Variants in CORO2B observed in about 807,000 individuals in gnomAD.
CORO2B encodes coronin-2B.
In CORO2B, 26 loss-of-function variants were observed where a neutral mutation model predicts 58.8. The observed-to-expected ratio is 0.44, with a 90% CI of 0.32 to 0.61. The LOEUF is 0.61. Among genes scored for constraint, CORO2B ranks in the 20% least tolerant of loss-of-function variants. The pLI is 0.04. For missense variants in CORO2B, 460 were observed against 645.1 expected, an observed-to-expected ratio of 0.71 and a Z score of 3.11; for synonymous variants, 242 against 253.8, an observed-to-expected ratio of 0.95 and a Z score of 0.44.
the CORO2B span, among the ~76,000 whole-genome samples, chr15:68,534,258 A>C: frequency 4.5e-4 from 69 of 152,102 alleles, no homozygotes; most frequent in Admixed American, 2.6e-3. Flanking sequence ...GGATGTGTAC[A>C]CACACCTGCA....
chr15:68,716,635 A>C (rs1893038322), intron 8 of CORO2B, among the ~76,000 whole-genome samples: 1 of 152,222 alleles, frequency 6.6e-6, no homozygotes, highest in South Asian at 2.1e-4. Context: ...ACTGGGGGCT[A>C]CTTCACCCCG....
At chr15:68,567,653 C>A in the CORO2B span, among the ~76,000 whole-genome samples, 2 of 152,178 alleles carry the variant, frequency 1.3e-5, no homozygotes, top group African/African-American at 4.8e-5. Context: ...GTTTTCAACT[C>A]AAAATAATTA....
At chr15:68,706,821 C>G (rs929704563) in intron 3 of CORO2B, among the ~76,000 whole-genome samples, 5 of 152,112 alleles carry the variant, frequency 3.3e-5, no homozygotes, top group African/African-American at 9.7e-5. Context: ...GCGATCTTCC[C>G]CTGCCTTAGC....
chr15:68,638,840 T>G (rs1901117687), intron 1 of CORO2B, among the ~76,000 whole-genome samples: 1 of 152,190 alleles, frequency 6.6e-6, no homozygotes, highest in Non-Finnish European at 1.5e-5. Flanking sequence ...ACAGAGGTGG[T>G]GTCTGGAGAG....
chr15:68,568,464 G>A, the CORO2B span, among the ~76,000 whole-genome samples: 1 of 152,096 alleles, frequency 6.6e-6, no homozygotes, highest in African/African-American at 2.4e-5. Flanking sequence ...GGTAGAGAAG[G>A]GAAACAAAGA....
chr15:68,686,581 G>C (rs1902986145), intron 2 of CORO2B, among the ~76,000 whole-genome samples: 1 of 152,060 alleles, frequency 6.6e-6, no homozygotes, highest in Non-Finnish European at 1.5e-5. Flanking sequence ...TTGTTACAAG[G>C]ATTAAATTTT....
chr15:68,618,852 G>A (rs992659607), intron 1 of CORO2B, among the ~76,000 whole-genome samples: 7 of 152,220 alleles, frequency 4.6e-5, no homozygotes, highest in Non-Finnish European at 8.8e-5. Context: ...AGTTCAAGGG[G>A]ATGTTCGAAT....
At chr15:68,564,034 C>A in the CORO2B span, among the ~76,000 whole-genome samples, 1 of 152,148 alleles carries the variant, frequency 6.6e-6, no homozygotes, top group Admixed American at 6.5e-5. Flanking sequence ...TACCCTGATA[C>A]GAAATCCAAA....
chr15:68,589,523 C>T (rs77042678), intron 1 of CORO2B, among the ~76,000 whole-genome samples: 17 of 152,336 alleles, frequency 1.1e-4, no homozygotes, highest in East Asian at 3.9e-4. Context: ...ACAGTAGAAA[C>T]GCCCATTTTG....
chr15:68,541,044 A>G, the CORO2B span, among the ~76,000 whole-genome samples: 1 of 152,206 alleles, frequency 6.6e-6, no homozygotes, highest in African/African-American at 2.4e-5. Context: ...AGCCTGGGAA[A>G]TATTGTAAAA....
chr15:68,644,654 G>A (rs933947378), intron 1 of CORO2B, among the ~76,000 whole-genome samples: 3 of 152,272 alleles, frequency 2.0e-5, no homozygotes, highest in African/African-American at 7.2e-5. Context: ...AATCCGAGGG[G>A]ATGACAGTGG....
the CORO2B span, among the ~76,000 whole-genome samples, chr15:68,555,307 C>T: frequency 0.01 from 1,571 of 152,344 alleles, 29 homozygotes; most frequent in African/African-American, 0.035. Flanking sequence ...CACGGTTCCC[C>T]TCCCACCAAG....
the CORO2B span, among the ~76,000 whole-genome samples, chr15:68,522,929 CAT>C: frequency 4.6e-5 from 7 of 152,086 alleles, no homozygotes; most frequent in African/African-American, 7.2e-5. Flanking sequence ...TATATTAAAA[CAT>C]GTGGAGACTT....
At chr15:68,529,639 C>A in the CORO2B span, among the ~76,000 whole-genome samples, 10 of 152,128 alleles carry the variant, frequency 6.6e-5, no homozygotes, top group Non-Finnish European at 1.2e-4. Flanking sequence ...AATCTTGTCG[C>A]AAATTTTTCA....
intron 1 of CORO2B, among the ~76,000 whole-genome samples, chr15:68,637,278 A>G: frequency 6.6e-6 from 1 of 152,126 alleles, no homozygotes; most frequent in African/African-American, 2.4e-5. Flanking sequence ...TCCACTGGGA[A>G]TTACTGCCCA....
At chr15:68,533,367 C>G in the CORO2B span, among the ~76,000 whole-genome samples, 1 of 152,308 alleles carries the variant, frequency 6.6e-6, no homozygotes, top group South Asian at 2.1e-4. Flanking sequence ...AAACTTTCAA[C>G]TAGGCTAGAG....
intron 11 of CORO2B, among the ~76,000 whole-genome samples, chr15:68,723,641 A>T (rs1196358048): frequency 6.6e-6 from 1 of 151,780 alleles, no homozygotes; most frequent in Non-Finnish European, 1.5e-5. Context: ...TTTAGTAGAG[A>T]TGGGGTTTCA....
Position 68,645,407 on chromosome 15 carries a change from G to A in CORO2B, c.216+47G>A. 1.3e-6 allele frequency: 2 copies of A among 1,579,930 alleles called. No homozygotes were observed. The highest frequency in any genetic ancestry group is 1.3e-5 in the African/African-American group (1 of 74,280). ...TCCAGCTGCAGCTCCAGGGCAGAGAGGAGCCCTCCTTGGTCTCTCTTAGGC... is the reference window on the plus strand; with the variant it reads ...TCCAGCTGCAGCTCCAGGGCAGAGAAGAGCCCTCCTTGGTCTCTCTTAGGC... On this transcript the variant is annotated intron_variant, in intron 2 of 11. Coordinates refer to ENST00000261861, the MANE Select transcript of CORO2B (RefSeq NM_006091.5). This position sits in a 1 kb window ranked among gnomAD's most constrained non-coding sequence, Gnocchi z 4.5.
chr15:68,530,822 C>T, the CORO2B span, among the ~76,000 whole-genome samples: 1 of 152,094 alleles, frequency 6.6e-6, no homozygotes, highest in South Asian at 2.1e-4. Context: ...TGAGTTCCTC[C>T]TTTTACTTAG....
Sources: gnomAD v4.1 joint callset for allele counts (sites outside exome capture counted in the v4.1 genomes callset) on GRCh38, gnomAD v4.1.1 for gene constraint, Gnocchi (gnomAD v3.1) non-coding constraint, MANE v1.5 for transcripts, NCBI Gene and HGNC (gene_info 2026-07-23, HGNC 2026-07-21) for gene names.